The following DEPDC1B variants were observed in gnomAD, a reference collection of about 807,000 sequenced individuals.
The protein encoded by DEPDC1B is DEP domain containing 1B.
DEPDC1B carries 51 observed loss-of-function variants against 66.5 expected under a neutral mutation model. That is an observed-to-expected ratio of 0.77 (90% CI 0.61 to 0.97). The LOEUF (loss-of-function observed/expected upper bound fraction) is 0.97, where lower values mean the gene tolerates loss of function less well. DEPDC1B is among the 50% of genes least tolerant of loss of function. The pLI is 0.00. For synonymous variants in DEPDC1B, 226 were observed against 223.6 expected (o/e 1.01, Z -0.10); for missense variants, 552 against 637.1 (o/e 0.87, Z 1.44).
chr5:60,632,593 C>T (rs1008058757), intron 7 of DEPDC1B, among the ~76,000 whole-genome samples: 1 of 152,268 alleles, frequency 6.6e-6, no homozygotes, highest in Non-Finnish European at 1.5e-5. Context: ...GTGGCTACTC[C>T]GACCTGGCCT....
At chr5:60,620,444 A>T (rs1052157541) in intron 7 of DEPDC1B, among the ~76,000 whole-genome samples, 2 of 152,214 alleles carry the variant, frequency 1.3e-5, no homozygotes, top group African/African-American at 2.4e-5. Context: ...AATTTACAAG[A>T]AAAAAACAAA....
At chr5:60,599,919 TTGTGTGTGTGTG>T (rs60016224) in intron 9 of DEPDC1B, among the ~76,000 whole-genome samples, 1 of 151,074 alleles carries the variant, frequency 6.6e-6, no homozygotes, top group Non-Finnish European at 1.5e-5. Flanking sequence ...CATTCTATAT[TTGTGTGTGTGTG>T]TGTGTGTGTC....
chr5:60,664,269 T>C (rs911984127), intron 2 of DEPDC1B, among the ~76,000 whole-genome samples: 1 of 152,218 alleles, frequency 6.6e-6, no homozygotes, highest in Non-Finnish European at 1.5e-5. Context: ...AGGAAATTTA[T>C]GTAGTGACAA....
intron 2 of DEPDC1B, among the ~76,000 whole-genome samples, chr5:60,654,303 T>C (rs1244020923): frequency 2.0e-5 from 3 of 149,020 alleles, no homozygotes; most frequent in Non-Finnish European, 4.4e-5. Context: ...GTAGTTTTCT[T>C]TGTAGAGATC....
chr5:60,684,074 A>G (rs542011567), intron 2 of DEPDC1B, among the ~76,000 whole-genome samples: 1 of 152,152 alleles, frequency 6.6e-6, no homozygotes, highest in East Asian at 1.9e-4. Flanking sequence ...AGAAAACTAC[A>G]AAACCCTGTT....
At chr5:60,676,066 T>C (rs1211236191) in intron 2 of DEPDC1B, among the ~76,000 whole-genome samples, 1 of 152,020 alleles carries the variant, frequency 6.6e-6, no homozygotes, top group Non-Finnish European at 1.5e-5. Context: ...TAGCTGGGAC[T>C]ACAGGCACCT....
intron 9 of DEPDC1B, 67 bp downstream of exon 9, chr5:60,603,324 A>AAGCCT: frequency 7.1e-7 from 1 of 1,400,122 alleles, no homozygotes; most frequent in South Asian, 1.9e-5. Flanking sequence ...ATGCCCCAAG[A>AAGCCT]AGCCTAGCAA....
intron 7 of DEPDC1B, among the ~76,000 whole-genome samples, chr5:60,615,109 A>C (rs1242814457): frequency 6.6e-6 from 1 of 152,246 alleles, no homozygotes; most frequent in Non-Finnish European, 1.5e-5. Flanking sequence ...TCAAATTAAT[A>C]CTTGAATAAA....
chr5:60,668,502 T>A (rs1753955825), intron 2 of DEPDC1B, among the ~76,000 whole-genome samples: 1 of 151,788 alleles, frequency 6.6e-6, no homozygotes, highest in Non-Finnish European at 1.5e-5. Context: ...CTCGAACTCC[T>A]GGCCCTCAGG....
intron 2 of DEPDC1B, among the ~76,000 whole-genome samples, chr5:60,675,278 C>T (rs1437429028): frequency 1.3e-5 from 2 of 151,814 alleles, no homozygotes; most frequent in Non-Finnish European, 2.9e-5. Flanking sequence ...AAAAGAAATG[C>T]CTGGCAGCAA....
chr5:60,637,942 AG>A (rs1753095867), intron 7 of DEPDC1B, among the ~76,000 whole-genome samples: 1 of 152,202 alleles, frequency 6.6e-6, no homozygotes, highest in Non-Finnish European at 1.5e-5. Context: ...GACATAGAGA[AG>A]GAGGAGGAGG....
intron 2 of DEPDC1B, among the ~76,000 whole-genome samples, chr5:60,660,230 G>C (rs972944876): frequency 2.2e-4 from 33 of 149,444 alleles, no homozygotes; most frequent in Admixed American, 6.7e-5. Context: ...AGGAGAGAGA[G>C]AGACAGACAG....
intron 1 of DEPDC1B, among the ~76,000 whole-genome samples, chr5:60,688,006 C>G (rs188183729): frequency 4.0e-3 from 605 of 151,956 alleles, no homozygotes; most frequent in Non-Finnish European, 5.0e-3. Flanking sequence ...AAAACTAAGC[C>G]CACTGTGCAA....
chr5:60,623,560 G>T (rs1752752988), intron 7 of DEPDC1B, among the ~76,000 whole-genome samples: 1 of 151,862 alleles, frequency 6.6e-6, no homozygotes, highest in Admixed American at 6.6e-5. Flanking sequence ...ACAAAAAAAA[G>T]CTTGGATTTT....
intron 7 of DEPDC1B, among the ~76,000 whole-genome samples, chr5:60,621,239 GTAACAAACCTGCATGTTGTGCACA>G (rs1354046054): frequency 1.3e-5 from 2 of 151,572 alleles, no homozygotes; most frequent in African/African-American, 2.4e-5. Flanking sequence ...ATATACATAT[GTAACAAACCTGCATGTTGTGCACA>G]TGTACACTAA....
intron 2 of DEPDC1B, among the ~76,000 whole-genome samples, chr5:60,654,427 T>C (rs1286938353): frequency 2.0e-5 from 3 of 148,114 alleles, no homozygotes; most frequent in Non-Finnish European, 2.9e-5. Flanking sequence ...GATTCTCAGC[T>C]TGGTCACTGT....
At chr5:60,645,652 G>T (rs749295775) in intron 3 of DEPDC1B, 33 bp from the exon 4 acceptor site, 2 of 1,579,306 alleles carry the variant, frequency 1.3e-6, no homozygotes, top group South Asian at 1.2e-5. Flanking sequence ...AGGGAGGGAA[G>T]GAGAAACGGT....
At chr5:60,637,466 A>G (rs1753069581) in intron 7 of DEPDC1B, among the ~76,000 whole-genome samples, 1 of 152,212 alleles carries the variant, frequency 6.6e-6, no homozygotes. Context: ...TGCTTCTTGA[A>G]CAGTCTGCAG....
At chr5:60,666,227 T>C (rs1753837587) in intron 2 of DEPDC1B, among the ~76,000 whole-genome samples, 1 of 152,170 alleles carries the variant, frequency 6.6e-6, no homozygotes, top group African/African-American at 2.4e-5. Flanking sequence ...CCTGCATGGC[T>C]AAGGGCCCAG....
Sources: gnomAD v4.1 joint callset for allele counts (sites outside exome capture counted in the v4.1 genomes callset) on GRCh38, gnomAD v4.1.1 for gene constraint, MANE v1.5 for transcripts, NCBI Gene and HGNC (gene_info 2026-07-23, HGNC 2026-07-21) for gene names.